Variants in SPP1 observed in about 807,000 individuals in gnomAD.
SPP1 encodes secreted phosphoprotein 1.
In SPP1, 18 loss-of-function variants were observed where a neutral mutation model predicts 20.8. The ratio of observed to expected loss-of-function variants is 0.87; its 90% confidence interval spans 0.60 to 1.29. The LOEUF (loss-of-function observed/expected upper bound fraction) is 1.29, where lower values mean the gene tolerates loss of function less well. Among genes scored for constraint, SPP1 ranks in the 50% most tolerant of loss-of-function variants. The pLI is 0.00. For synonymous variants in SPP1, 146 were observed against 141.5 expected (o/e 1.03, Z -0.23); for missense variants, 363 against 389.0 (o/e 0.93, Z 0.56).
In SPP1 at chr4:87,977,103, C is replaced by T. The variant is rs373861251; in HGVS notation, c.93+6C>T. On this transcript the variant is annotated splice_donor_region_variant and intron_variant, in intron 3 of 6. Coordinates refer to ENST00000395080, the MANE Select transcript of SPP1 (RefSeq NM_001040058.2). ...GAAGTTCTGAGGAAAAGCAGGTAAG[C>T]ATCTTTTATGTTTTTATATAGTTAA... The T allele has an allele frequency of 2.5e-5, 40 of 1,612,716 alleles. No individual in the cohort carries two copies. The African/African-American group carries it at 4.9e-4, about 20-fold the overall frequency.
In SPP1 at chr4:87,982,948, C is replaced by A; in HGVS notation, c.*52C>A. On this transcript the variant is annotated 3_prime_UTR_variant, in exon 7 of 7. Coordinates refer to ENST00000395080, the MANE Select transcript of SPP1 (RefSeq NM_001040058.2). ...TTGCATTTAGTCAAAAGAAAAAATG[C>A]TTTATAGCAAAATGAAAGAGAACAT... 1.3e-6 allele frequency: 2 copies of A among 1,493,700 alleles called. No individual in the cohort carries two copies. Among genetic ancestry groups the A allele is most frequent in the Non-Finnish European group, 1.8e-6 (2 of 1,114,070 alleles). 92.5% of individuals were successfully genotyped at this position (1,493,700 alleles called of 1,614,324 possible).
At chr4:87,977,011 G>A (rs752821125) in intron 2 of SPP1, 48 bp from the exon 3 acceptor site, 4 of 1,612,456 alleles carry the variant, frequency 2.5e-6, no homozygotes, top group East Asian at 4.5e-5. Flanking sequence ...GCTTCCATGT[G>A]CTAGGAGGAC....
chr4:87,977,059 G>T lies in SPP1; in HGVS notation c.55G>T (p.Val19Phe). ...CLLGITCAIP[V>F]KQADSGSSEE... ...TTTCTTCATCTTTTCTGTTTCTAAG[G>T]TTAAACAGGCTGATTCTGGAAGTTC... is the stretch of plus-strand genomic sequence containing the variant. The change falls in exon 3 of 7, where the codon GTT (valine) becomes TTT (phenylalanine). Residue 19 changes from valine to phenylalanine, a missense_variant and splice_region_variant. Coordinates refer to ENST00000395080, the MANE Select transcript of SPP1 (RefSeq NM_001040058.2). 1 of 1,613,932 alleles carries T rather than the reference G, an allele frequency of 6.2e-7. No homozygotes were observed. Among genetic ancestry groups the T allele is most frequent in the South Asian group, 1.1e-5 (1 of 91,062 alleles).
intron 3 of SPP1, among the ~76,000 whole-genome samples, chr4:87,977,440 T>A (rs942761789): frequency 1.3e-5 from 2 of 152,256 alleles, no homozygotes; most frequent in Non-Finnish European, 2.9e-5. Flanking sequence ...TTGCTTTGTT[T>A]AGTGGATTGC....
chr4:87,977,398 C>T (rs933107060), intron 3 of SPP1, among the ~76,000 whole-genome samples: 6 of 152,190 alleles, frequency 3.9e-5, no homozygotes, highest in Non-Finnish European at 8.8e-5. Context: ...CATTAGTCCA[C>T]ATACTGATCT....
rs1159373159 is a variant in SPP1 at position 87,981,571 on chromosome 4, T to C, written c.313T>C (p.Ser105Pro). 5.6e-6 allele frequency: 9 copies of C among 1,613,734 alleles called. No homozygotes were observed. In the South Asian group the frequency reaches 9.9e-5, roughly 18 times the overall value. ...TGTGGACAGCCAGGACTCCATTGAC[T>C]CGAACGACTCTGATGATGTAGATGA... ...DHVDSQDSID[S>P]NDSDDVDDTD... The change falls in exon 6 of 7, where the codon TCG becomes CCG. Residue 105 changes from serine (S) to proline (P), a missense_variant. Coordinates refer to ENST00000395080, the MANE Select transcript of SPP1 (RefSeq NM_001040058.2).
chr4:87,982,555 T>C lies in SPP1; in HGVS notation c.604T>C (p.Tyr202His), dbSNP rs754246287. The C allele has an allele frequency of 4.5e-5, 72 of 1,614,012 alleles. No individual in the cohort carries two copies. Among genetic ancestry groups the C allele is most frequent in the Non-Finnish European group, 5.7e-5 (67 of 1,180,038 alleles). Residue 202 changes from tyrosine to histidine, a missense_variant, in exon 7 of 7, where the codon TAC (tyrosine) becomes CAC (histidine). Physicochemically the swap from Tyr to His is moderately conservative, Grantham distance 83. Coordinates refer to ENST00000395080, the MANE Select transcript of SPP1 (RefSeq NM_001040058.2). The stretch of plus-strand genomic sequence containing the variant: ...GGAAAGCGAGGAGTTGAATGGTGCA[T>C]ACAAGGCCATCCCCGTTGCCCAGGA... The part of the protein sequence containing the change: ...HMESEELNGA[Y>H]KAIPVAQDLN...
intron 3 of SPP1, among the ~76,000 whole-genome samples, chr4:87,978,381 C>G (rs6839524): frequency 0.17 from 25,557 of 147,564 alleles, 3,834 homozygotes; most frequent in African/African-American, 0.39. Flanking sequence ...CACTGTTTTT[C>G]CGCCTTCTTT....
intron 3 of SPP1, among the ~76,000 whole-genome samples, chr4:87,978,891 T>A (rs953518038): frequency 6.6e-6 from 1 of 152,182 alleles, no homozygotes; most frequent in African/African-American, 2.4e-5. Context: ...CAGGGAAATG[T>A]AATGATTGGC....
chr4:87,976,723 AG>A (rs1217332197), intron 1 of SPP1, among the ~76,000 whole-genome samples, 158 bp from the exon 2 acceptor site: 20 of 152,346 alleles, frequency 1.3e-4, no homozygotes, highest in Non-Finnish European at 2.2e-4. Context: ...TTAACTTGAA[AG>A]ACTATAATAC....
intron 3 of SPP1, among the ~76,000 whole-genome samples, chr4:87,978,733 G>A (rs1240126104): frequency 1.3e-5 from 2 of 151,930 alleles, no homozygotes; most frequent in Admixed American, 6.6e-5. Flanking sequence ...AAAACCTTTC[G>A]GAGAAGCCCA....
chr4:87,980,457 A>T (rs1192598334), intron 5 of SPP1, 23 bp downstream of exon 5: 11 of 1,613,188 alleles, frequency 6.8e-6, no homozygotes, highest in Non-Finnish European at 8.5e-6. Flanking sequence ...TTTCAATCAG[A>T]GGCCCATCAT....
intron 3 of SPP1, chr4:87,977,939 C>A: frequency 3.5e-6 from 3 of 865,254 alleles, no homozygotes; most frequent in Non-Finnish European, 4.4e-6. Flanking sequence ...TAATAATAAA[C>A]CAGAAAAATT....
rs1228680223 is a variant in SPP1, at chr4:87,981,745, G to A, written c.487G>A (p.Val163Met). ...CACATATGATGGCCGAGGTGATAGT[G>A]TGGTTTATGGACTGAGGTCAAAATC... ...VDTYDGRGDS[V>M]VYGLRSKSKK... is the part of the protein sequence containing the mutation. Residue 163 changes from valine to methionine, a missense_variant, in exon 6 of 7, where the codon GTG becomes ATG. Val to Met is a conservative substitution (Grantham distance 21, BLOSUM62 1). Coordinates refer to ENST00000395080, the MANE Select transcript of SPP1 (RefSeq NM_001040058.2). The A allele has an allele frequency of 1.2e-6, 2 of 1,614,192 alleles. No homozygotes were observed. The highest frequency in any genetic ancestry group is 1.7e-6 in the Non-Finnish European group (2 of 1,180,034).
chr4:87,981,675 C>T lies in SPP1; in HGVS notation c.417C>T (p.Asp139=), dbSNP rs749945500. The T allele has an allele frequency of 8.7e-6, 14 of 1,614,058 alleles. 1 individual carries two copies. In the South Asian group the frequency reaches 9.9e-5, roughly 11 times the overall value. The change falls in exon 6 of 7, where the codon GAC becomes GAT. Residue 139 remains aspartate, a synonymous_variant. Coordinates refer to ENST00000395080, the MANE Select transcript of SPP1 (RefSeq NM_001040058.2). The part of the protein sequence containing the change: ...SDELVTDFPT[D]LPATEVFTPV... Reference sequence around the variant, plus strand: ...AACTGGTCACTGATTTTCCCACGGACCTGCCAGCAACCGAAGTTTTCACTC... The same window carrying T: ...AACTGGTCACTGATTTTCCCACGGATCTGCCAGCAACCGAAGTTTTCACTC...
chr4:87,980,106 C>G lies in SPP1; in HGVS notation c.154C>G (p.Gln52Glu). Residue 52 changes from glutamine to glutamate, a missense_variant, in exon 4 of 7, where the codon CAG (glutamine) becomes GAG (glutamate). By Grantham distance (29) the Gln-to-Glu change is conservative. Transcript: ENST00000395080. ...GCTAAACCCTGACCCATCTCAGAAG[C>G]AGAATCTCCTAGCCCCACAGGTATT... The part of the protein sequence containing the change: ...TWLNPDPSQK[Q>E]NLLAPQNAVS... 4 of 1,614,148 alleles carry G rather than the reference C, an allele frequency of 2.5e-6. No homozygotes were observed. The highest frequency in any genetic ancestry group is 3.4e-6 in the Non-Finnish European group (4 of 1,180,022).
chr4:87,977,570 T>C (rs1725431857), intron 3 of SPP1: 6 of 784,008 alleles, frequency 7.7e-6, no homozygotes, highest in Non-Finnish European at 9.9e-6. Context: ...TGTGTGCTGT[T>C]TGTATCTATT....
In SPP1 at chr4:87,980,419, T is replaced by C; in HGVS notation, c.201T>C (p.Asn67=). ...PQNAVSSEET[N]DFKQETLPSK... is the part of the protein sequence containing the mutation. ...ATGCTGTGTCCTCTGAAGAAACCAATGACTTTAAACAAGAGGTAAGTTCTC... is the reference window on the plus strand; with the variant it reads ...ATGCTGTGTCCTCTGAAGAAACCAACGACTTTAAACAAGAGGTAAGTTCTC... Residue 67 remains asparagine (N), a synonymous_variant, in exon 5 of 7, where the codon AAT becomes AAC. Coordinates refer to ENST00000395080, the MANE Select transcript of SPP1 (RefSeq NM_001040058.2). 1 of 1,614,132 alleles carries C rather than the reference T, an allele frequency of 6.2e-7. No homozygotes were observed. The highest frequency in any genetic ancestry group is 1.1e-5 in the South Asian group (1 of 91,054).
In SPP1 at chr4:87,978,149, A is replaced by T. The variant is rs114615959; in HGVS notation, c.93+1052A>T. The T allele has an allele frequency of 3.4e-3, 526 of 154,238 alleles. 4 individuals are homozygous for T. Among genetic ancestry groups the T allele is most frequent in the African/African-American group, 0.012 (507 of 41,598 alleles). 9.6% of individuals were successfully genotyped at this position (154,238 alleles called of 1,614,324 possible). A position where few individuals can be genotyped will look rare whatever the true frequency, so the allele number is the denominator to read the frequency against. On this transcript the variant is annotated intron_variant, in intron 3 of 6. Coordinates refer to ENST00000395080, the MANE Select transcript of SPP1 (RefSeq NM_001040058.2). The stretch of plus-strand genomic sequence containing the variant: ...TAAAAAATTGGGGAAGTCTCTAAGG[A>T]TATATGCCTGAAAATACACACTGGT...
Sources: gnomAD v4.1 joint callset for allele counts (sites outside exome capture counted in the v4.1 genomes callset) on GRCh38, gnomAD v4.1.1 for gene constraint, MANE v1.5 for transcripts, NCBI Gene and HGNC (gene_info 2026-07-23, HGNC 2026-07-21) for gene names.